SDK1: variants seen among roughly 807,000 people sequenced by gnomAD.
SDK1 encodes protein sidekick-1.
A neutral mutation model predicts 245.5 loss-of-function variants in SDK1; 157 were observed. That is an observed-to-expected ratio of 0.64 (90% confidence interval 0.56 to 0.73). SDK1 has a LOEUF of 0.73. Ranked by LOEUF, SDK1 falls within the 30% of genes least tolerant of loss-of-function variation. SDK1 has a pLI of 0.00. For synonymous variants in SDK1, 1,647 were observed against 1,278.5 expected (o/e 1.29, Z -6.15); for missense variants, 3,583 against 3,002.3 (o/e 1.19, Z -4.52).
chr7:3,735,683 G>T (rs888683258), intron 4 of SDK1, among the ~76,000 whole-genome samples: 2 of 152,166 alleles, frequency 1.3e-5, no homozygotes, highest in African/African-American at 4.8e-5. Context: ...TAGATACTGA[G>T]AAGTATTGTT....
chr7:4,256,991 G>C (rs1157671417), intron 44 of SDK1, among the ~76,000 whole-genome samples: 2 of 152,180 alleles, frequency 1.3e-5, no homozygotes, highest in African/African-American at 4.8e-5. Context: ...AGTGTCACAC[G>C]ACGCATGCTG....
intron 24 of SDK1, 58 bp downstream of exon 24, chr7:4,113,497 C>A: frequency 6.3e-7 from 1 of 1,575,596 alleles, no homozygotes; most frequent in Admixed American, 1.7e-5. Flanking sequence ...AGCCAGGGCA[C>A]ACACTAATCC....
Position 4,093,569 on chromosome 7 carries a change from C to G in SDK1, c.3324+13985C>G, listed in dbSNP as rs189213604. Among the ~76,000 whole-genome samples the G allele has an allele frequency of 1.4e-3, 207 of 151,274 alleles. 1 individual carries two copies. Among genetic ancestry groups the G allele is most frequent in the African/African-American group, 4.8e-3 (200 of 41,248 alleles). On this transcript the variant is annotated intron_variant, in intron 22 of 44. Coordinates refer to ENST00000404826, the MANE Select transcript of SDK1 (RefSeq NM_152744.4). ...GAAAGTGTTATGGGCTAATAAAGCA[C>G]AAGTCTGTTTAGTGCTGGTCTCTCT...
intron 4 of SDK1, among the ~76,000 whole-genome samples, chr7:3,676,794 T>A (rs1783917793): frequency 6.6e-6 from 1 of 152,258 alleles, no homozygotes. Flanking sequence ...CCATTGCTTA[T>A]TTTTGTTGAC....
In SDK1 at chr7:3,807,774, T is replaced by A. The variant is rs548731976; in HGVS notation, c.714-13676T>A. Among the ~76,000 whole-genome samples the A allele has an allele frequency of 3.3e-5, 5 of 152,292 alleles. No homozygotes were observed. The South Asian group carries it at 1.0e-3, about 32-fold the overall frequency. On this transcript the variant is annotated intron_variant, in intron 4 of 44. Transcript: ENST00000404826. The stretch of plus-strand genomic sequence containing the variant: ...ATGGGCACAGGCTGGGAGGCTGGGT[T>A]AGAGTCTTGATTGTTCATGTTCTTT...
chr7:4,159,987 T>C (rs1336856151), intron 31 of SDK1, among the ~76,000 whole-genome samples: 1 of 152,134 alleles, frequency 6.6e-6, no homozygotes, highest in African/African-American at 2.4e-5. Flanking sequence ...CTAGAAATGA[T>C]TTAAAGTATT....
chr7:3,998,635 C>G (rs1052864646), intron 14 of SDK1, among the ~76,000 whole-genome samples: 4 of 152,186 alleles, frequency 2.6e-5, no homozygotes, highest in African/African-American at 9.7e-5. Context: ...ATCTATGACT[C>G]TAGGTTCCCC....
intron 4 of SDK1, among the ~76,000 whole-genome samples, chr7:3,656,994 G>A (rs1033529269): frequency 2.6e-4 from 39 of 152,032 alleles, no homozygotes; most frequent in Non-Finnish European, 2.8e-4. Context: ...TGATCCACCC[G>A]CCTCGGCCTC....
intron 5 of SDK1, among the ~76,000 whole-genome samples, chr7:3,849,366 C>T (rs1780363661): frequency 6.6e-6 from 1 of 152,200 alleles, no homozygotes; most frequent in African/African-American, 2.4e-5. Context: ...CCCTTTCGAC[C>T]TTGTATCCTT....
intron 1 of SDK1, among the ~76,000 whole-genome samples, chr7:3,590,410 CA>C (rs1780831336): frequency 1.4e-5 from 2 of 139,004 alleles, no homozygotes; most frequent in South Asian, 4.7e-4. Flanking sequence ...CTCTGCAGAA[CA>C]AAGATTTTTT....
chr7:3,418,369 G>C (rs1398946012), intron 1 of SDK1, among the ~76,000 whole-genome samples: 1 of 152,114 alleles, frequency 6.6e-6, no homozygotes, highest in Non-Finnish European at 1.5e-5. Context: ...TCAATGGGTA[G>C]TGAACAGAAT....
intron 21 of SDK1, among the ~76,000 whole-genome samples, chr7:4,078,844 G>C (rs1010324589): frequency 3.3e-5 from 5 of 152,128 alleles, no homozygotes; most frequent in African/African-American, 1.2e-4. Flanking sequence ...CCAGTTGCCT[G>C]AGCAACTGAA....
At chr7:3,845,242 A>G (rs1478055666) in intron 5 of SDK1, among the ~76,000 whole-genome samples, 1 of 152,146 alleles carries the variant, frequency 6.6e-6, no homozygotes, top group Non-Finnish European at 1.5e-5. Flanking sequence ...ACACCTTCCC[A>G]GCACTTTGAG....
At chr7:4,106,759 C>T (rs1189762089) in intron 22 of SDK1, among the ~76,000 whole-genome samples, 3 of 152,104 alleles carry the variant, frequency 2.0e-5, no homozygotes, top group African/African-American at 7.2e-5. Flanking sequence ...CCCGGGCAGC[C>T]TCCCGGGCCT....
chr7:3,661,198 A>C (rs1783343738), intron 4 of SDK1, among the ~76,000 whole-genome samples: 1 of 152,216 alleles, frequency 6.6e-6, no homozygotes, highest in Admixed American at 6.5e-5. Context: ...CAACTAATTG[A>C]CTATACATAA....
At chr7:3,418,977 T>G (rs1031660826) in intron 1 of SDK1, among the ~76,000 whole-genome samples, 4 of 152,236 alleles carry the variant, frequency 2.6e-5, no homozygotes, top group African/African-American at 9.6e-5. Context: ...GACCATGTTC[T>G]TGTGGACTTG....
chr7:3,849,217 A>C (rs998838851), intron 5 of SDK1, among the ~76,000 whole-genome samples: 2 of 152,082 alleles, frequency 1.3e-5, no homozygotes, highest in African/African-American at 2.4e-5. Context: ...CTTGTACTAC[A>C]TGTCTTCAGG....
chr7:3,457,205 T>C (rs750873569), intron 1 of SDK1, among the ~76,000 whole-genome samples: 7 of 152,178 alleles, frequency 4.6e-5, no homozygotes, highest in Non-Finnish European at 1.0e-4. Context: ...CTGCTGCCTT[T>C]GGTTGTTTGT....
chr7:3,389,922 C>T (rs13235475), intron 1 of SDK1, among the ~76,000 whole-genome samples: 3 of 152,050 alleles, frequency 2.0e-5, no homozygotes, highest in Non-Finnish European at 4.4e-5. Flanking sequence ...ACAGACTGTT[C>T]AAGTGTTTAA....
Sources: allele counts gnomAD v4.1 joint callset (sites outside exome capture counted in the v4.1 genomes callset), GRCh38; gene constraint gnomAD v4.1.1; transcripts MANE v1.5; gene names NCBI Gene and HGNC (gene_info 2026-07-23, HGNC 2026-07-21).